TSPAN18: variants seen among roughly 807,000 people sequenced by gnomAD.
TSPAN18 encodes tetraspanin 18.
Under a neutral mutation model 27.3 loss-of-function variants are expected in TSPAN18, and 14 were observed. That is an observed-to-expected ratio of 0.51 (90% CI 0.34 to 0.80). TSPAN18 has a LOEUF of 0.80. Among genes scored for constraint, TSPAN18 ranks in the 30% least tolerant of loss-of-function variants. The pLI is 0.01. For synonymous variants in TSPAN18, 143 were observed against 136.5 expected, an observed-to-expected ratio of 1.05 and a Z score of -0.33; for missense variants, 268 against 323.9, an observed-to-expected ratio of 0.83 and a Z score of 1.32.
At chr11:44,806,824 A>G (rs1275568014) in intron 2 of TSPAN18, among the ~76,000 whole-genome samples, 2 of 152,130 alleles carry the variant, frequency 1.3e-5, no homozygotes, top group Non-Finnish European at 2.9e-5. Context: ...TTCCTTCAAC[A>G]CCTCCAGAGC....
chr11:44,868,019 G>C (rs34818938), intron 3 of TSPAN18, among the ~76,000 whole-genome samples: 27,101 of 152,170 alleles, frequency 0.18, 3,189 homozygotes, highest in Non-Finnish European at 0.27. Context: ...AGGGTGAACA[G>C]ACTCAGTTGC....
chr11:44,812,245 G>C (rs1050197274), intron 2 of TSPAN18, among the ~76,000 whole-genome samples: 1 of 152,202 alleles, frequency 6.6e-6, no homozygotes, highest in Non-Finnish European at 1.5e-5. Context: ...TGGGGCAAAT[G>C]ACTTAGCCTC....
chr11:44,730,231 G>A (rs1239750618), intron 1 of TSPAN18, among the ~76,000 whole-genome samples: 3 of 152,190 alleles, frequency 2.0e-5, no homozygotes, highest in Admixed American at 6.5e-5. Flanking sequence ...GGGTAGAGAG[G>A]GGAATGTCTG....
At chr11:44,871,744 C>T (rs1277860462) in intron 3 of TSPAN18, among the ~76,000 whole-genome samples, 1 of 152,226 alleles carries the variant, frequency 6.6e-6, no homozygotes, top group Non-Finnish European at 1.5e-5. Flanking sequence ...CCATTCTTCC[C>T]AATGTGTATT....
intron 8 of TSPAN18, among the ~76,000 whole-genome samples, chr11:44,925,018 TC>T (rs1265300834): frequency 6.6e-6 from 1 of 152,182 alleles, no homozygotes; most frequent in Non-Finnish European, 1.5e-5. Flanking sequence ...CACACTGATG[TC>T]CTGGCCTGGC....
At chr11:44,918,170 C>A in intron 6 of TSPAN18, 124 bp downstream of exon 6, 1 of 1,004,340 alleles carries the variant, frequency 1.0e-6, no homozygotes, top group Non-Finnish European at 1.5e-6. Flanking sequence ...TCTGGCACTT[C>A]CAGCCCAAGT....
At chr11:44,847,468 A>T (rs923257413) in intron 2 of TSPAN18, among the ~76,000 whole-genome samples, 2 of 152,270 alleles carry the variant, frequency 1.3e-5, no homozygotes, top group African/African-American at 4.8e-5. Flanking sequence ...TGTAGCACTT[A>T]TCAGAACTTC....
chr11:44,908,831 A>AAAGAAAGAAAGAAAGGAAAGAAAG lies in TSPAN18; in HGVS notation c.64-873_64-872insAGAAAGAAAGAAAGGAAAGAAAGA, dbSNP rs1590671474. ...AGAAAGAAAGAAAGAAAGAAAGAAA[A>AAAGAAAGAAAGAAAGGAAAGAAAG]AGAAAAATGGAGCAGATATTTATTG... On this transcript the variant is annotated intron_variant, in intron 4 of 9. Coordinates refer to ENST00000520358, the MANE Select transcript of TSPAN18 (RefSeq NM_130783.5). Among the ~76,000 whole-genome samples, 55 of 96,232 alleles carry AAAGAAAGAAAGAAAGGAAAGAAAG rather than the reference A, an allele frequency of 5.7e-4. 4 individuals are homozygous for AAAGAAAGAAAGAAAGGAAAGAAAG. Among genetic ancestry groups the AAAGAAAGAAAGAAAGGAAAGAAAG allele is most frequent in the African/African-American group, 2.2e-3 (52 of 23,800 alleles). 63.1% of individuals were successfully genotyped at this position (96,232 alleles called of 152,430 possible). A position where few individuals can be genotyped will look rare whatever the true frequency, so the allele number is the denominator to read the frequency against.
chr11:44,905,203 GGAA>G (rs1859410412), intron 3 of TSPAN18, among the ~76,000 whole-genome samples: 1 of 152,260 alleles, frequency 6.6e-6, no homozygotes, highest in South Asian at 2.1e-4. Context: ...CTTATTTTGT[GGAA>G]GAAGAAGATA....
chr11:44,909,949 G>A, intron 5 of TSPAN18, 50 bp downstream of exon 5: 3 of 1,552,616 alleles, frequency 1.9e-6, no homozygotes, highest in Non-Finnish European at 2.6e-6. Flanking sequence ...AGGGGTGTCA[G>A]GGATTGGCTG....
intron 2 of TSPAN18, among the ~76,000 whole-genome samples, chr11:44,806,069 C>G (rs1370545132): frequency 7.1e-6 from 1 of 141,530 alleles, no homozygotes; most frequent in Non-Finnish European, 1.5e-5. Context: ...GAGTCTCGCT[C>G]TATCCCCCAG....
chr11:44,728,712 C>G (rs1465883532), intron 1 of TSPAN18, among the ~76,000 whole-genome samples: 3 of 152,220 alleles, frequency 2.0e-5, no homozygotes, highest in Non-Finnish European at 4.4e-5. Context: ...TGTCTGGCCT[C>G]AGGGTCCCTG....
intron 1 of TSPAN18, among the ~76,000 whole-genome samples, chr11:44,740,488 G>GGGGCTGGGACT (rs958013131): frequency 6.6e-6 from 1 of 152,214 alleles, no homozygotes; most frequent in Non-Finnish European, 1.5e-5. Flanking sequence ...GTGCTGCTGA[G>GGGGCTGGGACT]GGGCTGGGAC....
At chr11:44,733,668 C>T (rs1309516422) in intron 1 of TSPAN18, among the ~76,000 whole-genome samples, 2 of 152,122 alleles carry the variant, frequency 1.3e-5, no homozygotes, top group Non-Finnish European at 2.9e-5. Context: ...AAGGGTCTGG[C>T]CTTGAGGTGA....
At chr11:44,903,596 A>C (rs1188795807) in intron 3 of TSPAN18, 1 of 456,604 alleles carries the variant, frequency 2.2e-6, no homozygotes, top group Admixed American at 2.3e-5. Context: ...CAGAGGCTGC[A>C]GCCATGTCTG....
chr11:44,862,416 C>T (rs1857921204), intron 3 of TSPAN18, among the ~76,000 whole-genome samples: 1 of 152,242 alleles, frequency 6.6e-6, no homozygotes, highest in Non-Finnish European at 1.5e-5. Flanking sequence ...GTCTCTCTCG[C>T]TCTGTGTCTC....
chr11:44,738,369 C>A (rs535584397), intron 1 of TSPAN18, among the ~76,000 whole-genome samples: 2 of 152,150 alleles, frequency 1.3e-5, no homozygotes, highest in African/African-American at 2.4e-5. Context: ...CTGGAGCCCC[C>A]CCGGCTGGAG....
At chr11:44,881,358 C>T (rs1208492931) in intron 3 of TSPAN18, among the ~76,000 whole-genome samples, 3 of 152,260 alleles carry the variant, frequency 2.0e-5, no homozygotes, top group East Asian at 1.9e-4. Context: ...CCTCAGCCGC[C>T]GCCCCTGAAC....
At chr11:44,791,202 G>C (rs148691443) in intron 2 of TSPAN18, among the ~76,000 whole-genome samples, 57 of 152,272 alleles carry the variant, frequency 3.7e-4, no homozygotes, top group Middle Eastern at 3.4e-3. Context: ...ACCACTGAAT[G>C]GGGGCAGGGG....
Sources: allele counts gnomAD v4.1 joint callset (sites outside exome capture counted in the v4.1 genomes callset), GRCh38; gene constraint gnomAD v4.1.1; transcripts MANE v1.5; gene names NCBI Gene and HGNC (gene_info 2026-07-23, HGNC 2026-07-21).